The following PDGFC variants were observed in gnomAD, a reference collection of about 807,000 sequenced individuals.
PDGFC encodes platelet-derived growth factor C.
A neutral mutation model predicts 35.5 loss-of-function variants in PDGFC; 12 were observed. The ratio of observed to expected loss-of-function variants is 0.34; its 90% confidence interval spans 0.22 to 0.55. The LOEUF (loss-of-function observed/expected upper bound fraction) is 0.55. Among genes scored for constraint, PDGFC ranks in the 20% least tolerant of loss-of-function variants. The pLI is 0.91. For missense variants in PDGFC, 322 were observed against 412.4 expected, an observed-to-expected ratio of 0.78 and a Z score of 1.90; for synonymous variants, 159 against 148.8, an observed-to-expected ratio of 1.07 and a Z score of -0.50.
chr4:156,907,319 C>T (rs980123886), intron 1 of PDGFC, among the ~76,000 whole-genome samples: 1 of 152,102 alleles, frequency 6.6e-6, no homozygotes, highest in Non-Finnish European at 1.5e-5. Context: ...AATCATAAAA[C>T]ACACATTTGC....
chr4:156,957,154 T>G (rs990115007), intron 1 of PDGFC, among the ~76,000 whole-genome samples: 4 of 152,060 alleles, frequency 2.6e-5, no homozygotes, highest in Non-Finnish European at 5.9e-5. Context: ...TGTTCCAATA[T>G]CAACGGTAGG....
At chr4:156,925,089 T>G (rs550628673) in intron 1 of PDGFC, among the ~76,000 whole-genome samples, 6 of 152,136 alleles carry the variant, frequency 3.9e-5, no homozygotes, top group Non-Finnish European at 7.3e-5. Flanking sequence ...GAGGAAATCA[T>G]GAGAACAGGA....
intron 2 of PDGFC, among the ~76,000 whole-genome samples, chr4:156,815,900 A>G (rs1304801988): frequency 6.6e-6 from 1 of 152,186 alleles, no homozygotes; most frequent in Admixed American, 6.5e-5. Context: ...GTGGTTTATA[A>G]TGATCACTCC....
intron 1 of PDGFC, among the ~76,000 whole-genome samples, chr4:156,900,567 G>A (rs965719606): frequency 8.5e-5 from 13 of 152,064 alleles, no homozygotes; most frequent in African/African-American, 2.9e-4. Flanking sequence ...GGAAGCGGGT[G>A]GGGTGGCTCA....
At chr4:156,934,984 T>G (rs1331552656) in intron 1 of PDGFC, among the ~76,000 whole-genome samples, 1 of 152,018 alleles carries the variant, frequency 6.6e-6, no homozygotes. Flanking sequence ...ACAGTTAACG[T>G]TTTTTTGTTT....
intron 1 of PDGFC, among the ~76,000 whole-genome samples, chr4:156,916,028 T>C (rs1342797704): frequency 6.6e-6 from 1 of 152,062 alleles, no homozygotes; most frequent in African/African-American, 2.4e-5. Flanking sequence ...CCCAAACTTC[T>C]ACAATGGCCA....
chr4:156,939,379 C>G (rs900974266), intron 1 of PDGFC, among the ~76,000 whole-genome samples: 4 of 151,910 alleles, frequency 2.6e-5, no homozygotes, highest in African/African-American at 9.7e-5. Flanking sequence ...CAAGAAATAA[C>G]AGGCAATTTC....
chr4:156,780,109 T>G (rs1730937227), intron 3 of PDGFC, among the ~76,000 whole-genome samples: 2 of 143,376 alleles, frequency 1.4e-5, no homozygotes, highest in Non-Finnish European at 3.1e-5. Context: ...AAATTAAGGT[T>G]TTTTTTTTTT....
intron 1 of PDGFC, among the ~76,000 whole-genome samples, chr4:156,923,798 A>G (rs903297562): frequency 6.6e-6 from 1 of 152,088 alleles, no homozygotes; most frequent in Non-Finnish European, 1.5e-5. Context: ...CATGTAACGA[A>G]CTGGGGACAA....
At chr4:156,834,933 A>C (rs191482156) in intron 2 of PDGFC, among the ~76,000 whole-genome samples, 30 of 152,122 alleles carry the variant, frequency 2.0e-4, no homozygotes, top group African/African-American at 3.4e-4. Context: ...CAAAAAAAAA[A>C]CACAACTGAA....
intron 2 of PDGFC, among the ~76,000 whole-genome samples, chr4:156,813,367 T>G (rs185310363): frequency 2.0e-4 from 31 of 152,208 alleles, no homozygotes; most frequent in Admixed American, 6.5e-4. Context: ...AAGCTTTTTT[T>G]GGGTTCTGGG....
At chr4:156,862,298 C>G (rs17035352) in intron 1 of PDGFC, among the ~76,000 whole-genome samples, 1 of 152,004 alleles carries the variant, frequency 6.6e-6, no homozygotes, top group Admixed American at 6.6e-5. Context: ...AGAACATTAA[C>G]ATCTGTGACT....
intron 1 of PDGFC, among the ~76,000 whole-genome samples, chr4:156,884,143 G>A (rs1219846352): frequency 6.6e-6 from 1 of 152,178 alleles, no homozygotes; most frequent in Admixed American, 6.5e-5. Flanking sequence ...TAAAGCTAGG[G>A]AAATGCAGAC....
Position 156,851,930 on chromosome 4 carries a change from C to CAAAA in PDGFC, c.119-1518_119-1515dup, listed in dbSNP as rs61505882. Among the ~76,000 whole-genome samples the CAAAA allele has an allele frequency of 1.1e-3, 52 of 47,850 alleles. 2 individuals carry two copies. The highest frequency in any genetic ancestry group is 3.3e-3 in the African/African-American group (49 of 15,070). The allele number at this position is 47,850 out of a possible 152,430, so 31.4% of individuals were successfully genotyped here. A position where few individuals can be genotyped will look rare whatever the true frequency, so the allele number is the denominator to read the frequency against. On this transcript the variant is annotated intron_variant, in intron 1 of 5. Coordinates refer to ENST00000502773, the MANE Select transcript of PDGFC (RefSeq NM_016205.3). The stretch of plus-strand genomic sequence containing the variant: ...TGGGCGACAGAATGAGACTCCATCT[C>CAAAA]AAAAAAAAAAAAAAAAAAAAAAAAA...
At chr4:156,776,761 G>A (rs980993474) in intron 3 of PDGFC, among the ~76,000 whole-genome samples, 1 of 152,132 alleles carries the variant, frequency 6.6e-6, no homozygotes, top group African/African-American at 2.4e-5. Flanking sequence ...AGAGAACTAC[G>A]ATCAGGAGTT....
At chr4:156,775,433 T>G (rs1730803407) in intron 3 of PDGFC, among the ~76,000 whole-genome samples, 1 of 152,176 alleles carries the variant, frequency 6.6e-6, no homozygotes, top group Non-Finnish European at 1.5e-5. Context: ...TATACATTAT[T>G]TATTAAATTG....
At chr4:156,824,325 T>TATATATATAC (rs1313538089) in intron 2 of PDGFC, among the ~76,000 whole-genome samples, 3 of 109,614 alleles carry the variant, frequency 2.7e-5, no homozygotes, top group East Asian at 5.5e-4. Context: ...TATATATATA[T>TATATATATAC]ATACACACAC....
rs1731035970 is a variant in PDGFC, at chr4:156,783,482, C to T, written c.496-10589G>A. ...CTGAACCTTTGCTCCTGATGTTGCC[C>T]TTTGTTAATAATAACTGCTTTTATT... On this transcript the variant is annotated intron_variant, in intron 3 of 5. Coordinates refer to ENST00000502773, the MANE Select transcript of PDGFC (RefSeq NM_016205.3). Among the ~76,000 whole-genome samples, 2 of 152,034 alleles carry T rather than the reference C, an allele frequency of 1.3e-5. 1 individual carries two copies. Among genetic ancestry groups the T allele is most frequent in the South Asian group, 4.1e-4 (2 of 4,820 alleles).
At chr4:156,792,859 T>TA (rs1397526512) in intron 3 of PDGFC, among the ~76,000 whole-genome samples, 3 of 152,138 alleles carry the variant, frequency 2.0e-5, no homozygotes, top group Non-Finnish European at 4.4e-5. Flanking sequence ...CCTGAAAACT[T>TA]AAAGATTTCC....
Sources: gnomAD v4.1 joint callset for allele counts (sites outside exome capture counted in the v4.1 genomes callset) on GRCh38, gnomAD v4.1.1 for gene constraint, MANE v1.5 for transcripts, NCBI Gene and HGNC (gene_info 2026-07-23, HGNC 2026-07-21) for gene names.